The following FRMPD3 variants were observed in gnomAD, a reference collection of about 807,000 sequenced individuals.
FRMPD3 encodes the protein FERM and PDZ domain containing 3, also known as FERM and PDZ domain-containing protein 3.
In FRMPD3, 42 loss-of-function variants were observed where a neutral mutation model predicts 97.9. The observed-to-expected ratio is 0.43, with a 90% CI of 0.34 to 0.55. FRMPD3 has a LOEUF of 0.55. Ranked by LOEUF, FRMPD3 falls within the 20% of genes least tolerant of loss-of-function variation. The pLI, the probability that FRMPD3 is intolerant of heterozygous loss-of-function variation, is 0.03. For missense variants in FRMPD3, 1,303 were observed against 1,457.7 expected, an observed-to-expected ratio of 0.89 and a Z score of 1.73; for synonymous variants, 577 against 581.1, an observed-to-expected ratio of 0.99 and a Z score of 0.10.
chrX:107,483,839 T>C (rs780376258), intron 1 of FRMPD3, among the ~76,000 whole-genome samples: 65 of 111,548 alleles, frequency 5.8e-4, no homozygotes, highest in Non-Finnish European at 9.4e-5. Flanking sequence ...CCTCTCTTGC[T>C]CTCTGCCTGC....
At chrX:107,506,317 C>G (rs1922026275) in intron 1 of FRMPD3, among the ~76,000 whole-genome samples, 1 of 112,100 alleles carries the variant, frequency 8.9e-6, no homozygotes, top group Non-Finnish European at 1.9e-5. Flanking sequence ...TGTTCCCAAT[C>G]CAGTCAGAAA....
At chrX:107,454,714 G>T (rs923486178) in intron 1 of FRMPD3, among the ~76,000 whole-genome samples, 1 of 112,084 alleles carries the variant, frequency 8.9e-6, no homozygotes, top group African/African-American at 3.2e-5. Flanking sequence ...TTGCCTGTGG[G>T]ATAAATTTCA....
chrX:107,598,786 A>T (rs1391365050), intron 14 of FRMPD3, among the ~76,000 whole-genome samples: 3 of 112,544 alleles, frequency 2.7e-5, no homozygotes, highest in African/African-American at 6.5e-5. Context: ...CAAAGCATGT[A>T]AGCACTGCCT....
chrX:107,566,521 A>G (rs1371567818), intron 12 of FRMPD3, among the ~76,000 whole-genome samples: 1 of 112,232 alleles, frequency 8.9e-6, no homozygotes, highest in Non-Finnish European at 1.9e-5. Flanking sequence ...CAGGGAAGAC[A>G]AGGCATGCAG....
In FRMPD3 at chrX:107,604,508, AT is replaced by A. The variant is rs2147664172; in HGVS notation, c.*1136del. 3 of 108,076 alleles carry A rather than the reference AT, an allele frequency of 2.8e-5. No homozygotes were observed. Among genetic ancestry groups the A allele is most frequent in the South Asian group, 6.7e-4 (2 of 3,001 alleles). 8.9% of individuals were successfully genotyped at this position (108,076 alleles called of 1,213,427 possible). On this transcript the variant is annotated 3_prime_UTR_variant, in exon 15 of 15. Transcript: ENST00000683843. ...TGGAAGGGAATTCACACTGTTTAACATCCACCTTGACACACACCTCCTATTG... is the reference window on the plus strand; with the variant it reads ...TGGAAGGGAATTCACACTGTTTAACACCACCTTGACACACACCTCCTATTG...
At chrX:107,472,513 G>C (rs911746704) in intron 1 of FRMPD3, among the ~76,000 whole-genome samples, 3 of 102,681 alleles carry the variant, frequency 2.9e-5, no homozygotes, top group Non-Finnish European at 6.2e-5. Context: ...GCGTTTGGAG[G>C]CTCCCATAAA....
chrX:107,571,167 G>T lies in FRMPD3; in HGVS notation c.1297-5148G>T, dbSNP rs193265390. The stretch of plus-strand genomic sequence containing the variant: ...AAAGGAATGTCCCAAGGGATATCTT[G>T]TGGCCCAGTATGTGTCCTATTCTCA... On this transcript the variant is annotated intron_variant, in intron 12 of 14. Transcript: ENST00000683843. Among the ~76,000 whole-genome samples the T allele has an allele frequency of 4.8e-4, 54 of 112,011 alleles. No individual in the cohort carries two copies. The East Asian group carries it at 0.011, about 23-fold the overall frequency.
At chrX:107,560,642 A>G in intron 9 of FRMPD3, 85 bp from the exon 10 acceptor site, 1 of 1,044,068 alleles carries the variant, frequency 9.6e-7, no homozygotes, top group Non-Finnish European at 1.3e-6. Flanking sequence ...TCTACCTCTC[A>G]GATTCAGTCA....
At position 107,526,441 on chromosome X, in the gene FRMPD3, G is replaced by C. The variant is rs1403193157; in HGVS notation, c.-7-141G>C. The C allele has an allele frequency of 9.5e-6, 4 of 419,120 alleles. No homozygotes were observed. The East Asian group carries it at 1.5e-4, about 16-fold the overall frequency. The allele number at this position is 419,120 out of a possible 1,213,427, so 34.5% of individuals were successfully genotyped here. On this transcript the variant is annotated intron_variant, in intron 1 of 14. Transcript: ENST00000683843. ...GAAATATGAGGCAGTCATCATCTCTGTTGGCTCCAGAGGATGTAGGAAGCT... is the reference window on the plus strand; with the variant it reads ...GAAATATGAGGCAGTCATCATCTCTCTTGGCTCCAGAGGATGTAGGAAGCT...
In FRMPD3 at chrX:107,591,409, G is replaced by A. The variant is rs913137463; in HGVS notation, c.1442-5912G>A. Among the ~76,000 whole-genome samples the A allele has an allele frequency of 5.1e-4, 57 of 111,654 alleles. 1 individual carries two copies. The highest frequency in any genetic ancestry group is 1.7e-3 in the African/African-American group (51 of 30,847). On this transcript the variant is annotated intron_variant, in intron 13 of 14. Coordinates refer to ENST00000683843, the MANE Select transcript of FRMPD3 (RefSeq NM_001388459.1). The stretch of plus-strand genomic sequence containing the variant: ...TGATCTCAAGTGATCCACCTACCTC[G>A]GCCTCCCAAAGTGCTGGGATTACAG...
rs769308576 is a variant in FRMPD3, at chrX:107,526,722, G to A, written c.134G>A (p.Arg45Gln). Residue 45 changes from arginine (R) to glutamine (Q), a missense_variant, in exon 2 of 15, where the codon CGA becomes CAA. Physicochemically the swap from Arg to Gln is conservative, Grantham distance 43. Transcript: ENST00000683843. ...VAGSERPVVV[R>Q]SVRPGGPSEN... is the part of the protein sequence containing the mutation. The stretch of plus-strand genomic sequence containing the variant: ...GGCAGTGAGAGGCCTGTGGTGGTTC[G>A]ATCTGTGAGGCCAGGTAGGTGTCCC... 3 of 1,199,834 alleles carry A rather than the reference G, an allele frequency of 2.5e-6. No individual in the cohort carries two copies. Among genetic ancestry groups the A allele is most frequent in the East Asian group, 3.0e-5 (1 of 33,679 alleles).
chrX:107,603,247 A>ACAG lies in FRMPD3; in HGVS notation c.5227_5229dup (p.Gln1743dup), dbSNP rs762632019. 1.1e-4 allele frequency: 129 copies of ACAG among 1,123,254 alleles called. No homozygotes were observed. Among genetic ancestry groups the ACAG allele is most frequent in the East Asian group, 5.5e-4 (16 of 29,274 alleles). 92.6% of individuals were successfully genotyped at this position (1,123,254 alleles called of 1,213,427 possible). ...AACAACAACAGCAGCAGCAACAACAACAGCAGCAGCAGCAGCAGCAGGTGG... is the reference window on the plus strand; with the variant it reads ...AACAACAACAGCAGCAGCAACAACAACAGCAGCAGCAGCAGCAGCAGCAGGTGG... On this transcript the variant is annotated inframe_insertion, in exon 15 of 15. Transcript: ENST00000683843.
intron 1 of FRMPD3, among the ~76,000 whole-genome samples, chrX:107,453,076 C>G (rs1475683121): frequency 9.0e-6 from 1 of 111,534 alleles, no homozygotes; most frequent in Non-Finnish European, 1.9e-5. Flanking sequence ...AATGATTGGA[C>G]TCCGTGGCTA....
rs1921245197 is a variant in FRMPD3, at chrX:107,540,518, T to C, written c.298-5219T>C. Among the ~76,000 whole-genome samples, 6 of 112,258 alleles carry C rather than the reference T, an allele frequency of 5.3e-5. No individual in the cohort carries two copies. In the Admixed American group the frequency reaches 5.7e-4, roughly 11 times the overall value. ...CAAAAAATAACCAGCTGCTGAATTC[T>C]GCACTGAGGGAAAGGCAGACTCTCT... On this transcript the variant is annotated intron_variant, in intron 4 of 14. Transcript: ENST00000683843.
chrX:107,540,358 C>T (rs1056611918), intron 4 of FRMPD3, among the ~76,000 whole-genome samples: 6 of 111,940 alleles, frequency 5.4e-5, no homozygotes, highest in Admixed American at 2.8e-4. Context: ...AGCTGAGTTT[C>T]GTTTTTTTTC....
chrX:107,526,646 C>T lies in FRMPD3; in HGVS notation c.58C>T (p.Arg20Ter), dbSNP rs373289807. Residue 20 changes from arginine (R) to a stop codon, truncating the protein, a stop_gained, in exon 2 of 15, where the codon CGA becomes TGA. Transcript: ENST00000683843. LOFTEE classifies it high-confidence loss of function. ...ECEQLPAEIL[R>*]QVTVHRDPIY... is the part of the protein sequence containing the mutation. ...TGAGCAGCTGCCAGCAGAGATACTG[C>T]GACAAGTGACCGTTCACCGAGACCC... is the stretch of plus-strand genomic sequence containing the variant. The T allele has an allele frequency of 1.3e-4, 153 of 1,204,293 alleles. No individual in the cohort carries two copies. Among genetic ancestry groups the T allele is most frequent in the Non-Finnish European group, 1.6e-4 (139 of 893,007 alleles).
chrX:107,600,954 C>T lies in FRMPD3; in HGVS notation c.2915C>T (p.Ala972Val). The T allele has an allele frequency of 8.3e-7, 1 of 1,208,916 alleles. No homozygotes were observed. Among genetic ancestry groups the T allele is most frequent in the East Asian group, 3.0e-5 (1 of 33,765 alleles). Residue 972 changes from alanine (A) to valine (V), a missense_variant, in exon 15 of 15, where the codon GCT (alanine) becomes GTT (valine). Transcript: ENST00000683843. Reference sequence around the variant, plus strand: ...GTTCACAATAAGAGTCTAGTCACTGCTGGTGGGGCTTTGGGGAACCCCCCC... The same window carrying T: ...GTTCACAATAAGAGTCTAGTCACTGTTGGTGGGGCTTTGGGGAACCCCCCC... ...QVVHNKSLVT[A>V]GGALGNPPSR...
At position 107,603,361 on chromosome X, in the gene FRMPD3, C is replaced by T. The variant is rs1408093599; in HGVS notation, c.5322C>T (p.Thr1774=). 3 of 1,145,803 alleles carry T rather than the reference C, an allele frequency of 2.6e-6. No individual in the cohort carries two copies. The highest frequency in any genetic ancestry group is 4.1e-5 in the South Asian group (2 of 49,267). 94.4% of individuals were successfully genotyped at this position (1,145,803 alleles called of 1,213,427 possible). The change falls in exon 15 of 15, where the codon ACC becomes ACT. Residue 1774 remains threonine, a synonymous_variant. Transcript: ENST00000683843. ...GCACATTCACCCACTCCTTAAAAAC[C>T]CTTATTAAGTAGGGCATCTGCCCAC... ...VMSTFTHSLK[T]LIK is the part of the protein sequence containing the mutation.
intron 11 of FRMPD3, among the ~76,000 whole-genome samples, chrX:107,563,664 C>A (rs1472507104): frequency 8.9e-6 from 1 of 111,912 alleles, no homozygotes; most frequent in Non-Finnish European, 1.9e-5. Flanking sequence ...GATTTTTTTT[C>A]CCTACCATTA....
Sources: allele counts gnomAD v4.1 joint callset (sites outside exome capture counted in the v4.1 genomes callset), GRCh38; gene constraint gnomAD v4.1.1; transcripts MANE v1.5; gene names NCBI Gene and HGNC (gene_info 2026-07-23, HGNC 2026-07-21).